NRAP: variants seen among roughly 807,000 people sequenced by gnomAD.
NRAP encodes nebulin related anchoring protein, also known as nebulin-related-anchoring protein.
NRAP carries 189 observed loss-of-function variants against 225.9 expected under a neutral mutation model. That is an observed-to-expected ratio of 0.84 (90% confidence interval 0.74 to 0.94). NRAP has a LOEUF of 0.94. Ranked by LOEUF, NRAP falls within the 40% of genes least tolerant of loss-of-function variation. The probability of loss-of-function intolerance (pLI) is 0.00; values close to 1 mark genes in which losing one functional copy is unlikely to be tolerated. For synonymous variants in NRAP, 769 were observed against 790.7 expected (o/e 0.97, Z 0.46); for missense variants, 2,176 against 2,168.7 (o/e 1.00, Z -0.07).
intron 10 of NRAP, among the ~76,000 whole-genome samples, chr10:113,646,443 C>G (rs1849512783): frequency 6.6e-6 from 1 of 152,182 alleles, no homozygotes. Flanking sequence ...CTGTTGAGAC[C>G]AAGTTCCAGT....
intron 12 of NRAP, among the ~76,000 whole-genome samples, chr10:113,642,543 C>T (rs1849267704): frequency 2.0e-5 from 3 of 152,142 alleles, no homozygotes; most frequent in South Asian, 4.1e-4. Flanking sequence ...TAACATCTGG[C>T]TCTCCAGGTG....
intron 3 of NRAP, among the ~76,000 whole-genome samples, chr10:113,661,864 G>A (rs1850699857): frequency 6.6e-6 from 1 of 152,234 alleles, no homozygotes; most frequent in Non-Finnish European, 1.5e-5. Flanking sequence ...AGACTTAACA[G>A]TGTGAAACTA....
In NRAP at chr10:113,604,759, C is replaced by T. The variant is rs541551455; in HGVS notation, c.4077G>A (p.Leu1359=). 23 of 1,614,182 alleles carry T rather than the reference C, an allele frequency of 1.4e-5. No homozygotes were observed. In the East Asian group the frequency reaches 4.7e-4, roughly 33 times the overall value. Reference sequence around the variant, plus strand: ...GGACCAGGTGCACCATGTCCATGGGCAGATGGAACTGGGCTTGGCTGCTGG... The same window carrying T: ...GGACCAGGTGCACCATGTCCATGGGTAGATGGAACTGGGCTTGGCTGCTGG... ...GATSSQAQFH[L]PMDMVHLVHA... is the part of the protein sequence containing the mutation. Residue 1359 remains leucine (L), a synonymous_variant, in exon 35 of 42, where the codon CTG becomes CTA. Coordinates refer to ENST00000359988, the MANE Select transcript of NRAP (RefSeq NM_198060.4).
chr10:113,662,225 C>A (rs368600431), intron 3 of NRAP, among the ~76,000 whole-genome samples: 2 of 152,150 alleles, frequency 1.3e-5, no homozygotes, highest in East Asian at 3.8e-4. Context: ...ATGTGCCTAG[C>A]ATTGTTAATC....
chr10:113,620,553 G>A (rs774865528), intron 25 of NRAP, 51 bp downstream of exon 25: 8 of 1,143,904 alleles, frequency 7.0e-6, no homozygotes, highest in Admixed American at 3.5e-5. Context: ...ATACAGAGAC[G>A]CCGCACGCCT....
chr10:113,661,515 T>C (rs1850674600), intron 3 of NRAP, among the ~76,000 whole-genome samples: 1 of 152,146 alleles, frequency 6.6e-6, no homozygotes, highest in East Asian at 1.9e-4. Context: ...GAGGGATCAC[T>C]AGAGAGTCTT....
chr10:113,610,088 G>A (rs111405054), intron 31 of NRAP, among the ~76,000 whole-genome samples: 1 of 152,212 alleles, frequency 6.6e-6, no homozygotes, highest in African/African-American at 2.4e-5. Flanking sequence ...AGTGGCTCAC[G>A]CCTGTAATCC....
chr10:113,663,623 T>C (rs1850835041), intron 1 of NRAP, among the ~76,000 whole-genome samples, 177 bp from the exon 2 acceptor site: 1 of 152,236 alleles, frequency 6.6e-6, no homozygotes, highest in African/African-American at 2.4e-5. Flanking sequence ...TAACTTTTTT[T>C]TTTTGAGACA....
At chr10:113,656,215 G>A (rs766546625) in intron 4 of NRAP, among the ~76,000 whole-genome samples, 2 of 140,588 alleles carry the variant, frequency 1.4e-5, no homozygotes, top group Non-Finnish European at 3.1e-5. Context: ...ACCCCTTATT[G>A]TAATCCAGAC....
Position 113,606,298 on chromosome 10 carries a change from A to G in NRAP, c.3703-16T>C, listed in dbSNP as rs752234533. The G allele has an allele frequency of 2.1e-6, 3 of 1,418,678 alleles. No homozygotes were observed. In the South Asian group the frequency reaches 3.4e-5, roughly 16 times the overall value. The allele number at this position is 1,418,678 out of a possible 1,614,324, so 87.9% of individuals were successfully genotyped here. ...TATAGAGGCGCTAGGCCAAAAAAAT[A>G]TAATAATAATAATGCAAGAGATAAG... On this transcript the variant is annotated splice_polypyrimidine_tract_variant and intron_variant, in intron 32 of 41. Coordinates refer to ENST00000359988, the MANE Select transcript of NRAP (RefSeq NM_198060.4).
chr10:113,617,188 T>C (rs1407236710), intron 26 of NRAP, among the ~76,000 whole-genome samples: 2 of 152,090 alleles, frequency 1.3e-5, no homozygotes. Context: ...CACGAATGAA[T>C]CGGTGAGACA....
At chr10:113,628,889 G>A (rs1848424499) in intron 20 of NRAP, 28 bp downstream of exon 20, 1 of 1,332,090 alleles carries the variant, frequency 7.5e-7, no homozygotes, top group East Asian at 2.3e-5. Context: ...GAGGACTACT[G>A]GAGGCCAGAG....
At position 113,629,728 on chromosome 10, in the gene NRAP, T is replaced by C; in HGVS notation, c.1900A>G (p.Met634Val). 1 of 1,613,992 alleles carries C rather than the reference T, an allele frequency of 6.2e-7. No individual in the cohort carries two copies. Among genetic ancestry groups the C allele is most frequent in the Non-Finnish European group, 8.5e-7 (1 of 1,179,822 alleles). Reference protein sequence around the residue: ...SKTRFHLPMDMVNIRHAKKAQ... With the variant: ...SKTRFHLPMDVVNIRHAKKAQ... The stretch of plus-strand genomic sequence containing the variant: ...TTCTTAGCATGCCTGATGTTTACCA[T>C]ATCCATGGGCAGGTGAAACCGGGTC... Residue 634 changes from methionine to valine, a missense_variant, in exon 19 of 42, where the codon ATG (methionine) becomes GTG (valine). Physicochemically the swap from Met to Val is conservative, Grantham distance 21 (BLOSUM62 1). This residue lies in a region of NRAP where 1,708 missense variants were observed against 1,695.5 expected (regional missense o/e 1.01). Coordinates refer to ENST00000359988, the MANE Select transcript of NRAP (RefSeq NM_198060.4).
In NRAP at chr10:113,614,845, T is replaced by A; in HGVS notation, c.3180A>T (p.Ile1060=). ...FQAAKASGEI[I]SDYKYKEAFE... Reference sequence around the variant, plus strand: ...AATGGGGGTGAATGCTCACATCACTTATGATTTCACCAGAAGCCTTTGCTG... The same window carrying A: ...AATGGGGGTGAATGCTCACATCACTAATGATTTCACCAGAAGCCTTTGCTG... The change falls in exon 28 of 42, where the codon ATA becomes ATT. Residue 1060 remains isoleucine (I), a synonymous_variant. Transcript: ENST00000359988. 6.3e-7 allele frequency: 1 copy of A among 1,588,770 alleles called. No individual in the cohort carries two copies. The highest frequency in any genetic ancestry group is 8.6e-7 in the Non-Finnish European group (1 of 1,156,766).
intron 3 of NRAP, among the ~76,000 whole-genome samples, chr10:113,658,896 A>AAG (rs1202970364): frequency 6.6e-6 from 1 of 151,242 alleles, no homozygotes; most frequent in African/African-American, 2.4e-5. Flanking sequence ...AAAAAAAAAA[A>AAG]AAAGAAAGAA....
At chr10:113,591,833 G>A (rs1846012098) in intron 39 of NRAP, among the ~76,000 whole-genome samples, 2 of 152,102 alleles carry the variant, frequency 1.3e-5, no homozygotes, top group South Asian at 4.2e-4. Flanking sequence ...GTCCATCTAG[G>A]GCAAAAGCCC....
chr10:113,645,823 A>G lies in NRAP; in HGVS notation c.1110+2T>C, dbSNP rs751676227. The stretch of plus-strand genomic sequence containing the variant: ...TGGGTGTGACTCTTCCCCCATACGC[A>G]CCTCACTCACGAGTTTGTTTACGCT... On this transcript the variant is annotated splice_donor_variant, in intron 11 of 41. Coordinates refer to ENST00000359988, the MANE Select transcript of NRAP (RefSeq NM_198060.4). LOFTEE classifies it high-confidence loss of function. 2 of 1,486,756 alleles carry G rather than the reference A, an allele frequency of 1.3e-6. No homozygotes were observed. The highest frequency in any genetic ancestry group is 1.9e-6 in the Non-Finnish European group (2 of 1,068,196). The allele number at this position is 1,486,756 out of a possible 1,614,324, so 92.1% of individuals were successfully genotyped here.
chr10:113,606,085 T>C (rs766375858), intron 33 of NRAP, 93 bp downstream of exon 33: 1 of 982,310 alleles, frequency 1.0e-6, no homozygotes, highest in Non-Finnish European at 1.6e-6. Flanking sequence ...AAAGCTTCTG[T>C]GAAGGCCAGA....
intron 14 of NRAP, among the ~76,000 whole-genome samples, chr10:113,635,007 C>T (rs531031722): frequency 2.0e-5 from 3 of 152,194 alleles, no homozygotes; most frequent in African/African-American, 2.4e-5. Flanking sequence ...TTAGCACTTT[C>T]GTAGAAGATG....
Sources: gnomAD v4.1 joint callset for allele counts (sites outside exome capture counted in the v4.1 genomes callset) on GRCh38, gnomAD v4.1.1 for gene constraint, gnomAD v4.1.1 regional missense constraint, MANE v1.5 for transcripts, NCBI Gene and HGNC (gene_info 2026-07-23, HGNC 2026-07-21) for gene names.